Variants in NTM observed in about 807,000 individuals in gnomAD.
NTM encodes the protein IgLON family member 2.
NTM carries 13 observed loss-of-function variants against 42.1 expected under a neutral mutation model. The ratio of observed to expected loss-of-function variants is 0.31; its 90% CI spans 0.20 to 0.49. The LOEUF (loss-of-function observed/expected upper bound fraction) is 0.49. NTM is among the 20% of genes least tolerant of loss of function. NTM has a pLI of 0.99. For synonymous variants in NTM, 187 were observed against 179.2 expected (o/e 1.04, Z -0.35); for missense variants, 373 against 452.8 (o/e 0.82, Z 1.60).
rs191912909 is a variant in NTM at position 131,573,091 on chromosome 11, C to T, written c.82+202203C>T. ...CTCTTGACAAGGCCCTGGAGAATCC[C>T]TAAACAAGAAGCAGTAGCAGCCGAA... On this transcript the variant is annotated intron_variant, in intron 1 of 8. Coordinates refer to ENST00000683400, the MANE Select transcript of NTM (RefSeq NM_001352005.2). Among the ~76,000 whole-genome samples the T allele has an allele frequency of 2.5e-3, 378 of 152,252 alleles. 6 individuals are homozygous for T. The highest frequency in any genetic ancestry group is 1.1e-3 in the Non-Finnish European group (77 of 68,022).
At chr11:131,684,193 C>T (rs181893098) in intron 1 of NTM, among the ~76,000 whole-genome samples, 93 of 152,252 alleles carry the variant, frequency 6.1e-4, no homozygotes, top group Non-Finnish European at 3.2e-4. Context: ...GCACGGGCCC[C>T]GGGGAGAGCA....
rs1293149284 is a variant in NTM, at chr11:132,003,697, C to T, written c.167+92049C>T. Among the ~76,000 whole-genome samples, 2 of 151,458 alleles carry T rather than the reference C, an allele frequency of 1.3e-5. No individual in the cohort carries two copies. The highest frequency in any genetic ancestry group is 2.9e-5 in the Non-Finnish European group (2 of 67,848). ...GTCTGTCTGTAGCTCAATCACATGT[C>T]CCACATGGAGCCCACTCTTTCCCAT... On this transcript the variant is annotated intron_variant, in intron 2 of 8. Coordinates refer to ENST00000683400, the MANE Select transcript of NTM (RefSeq NM_001352005.2). The surrounding 1 kb of genome is among the most constrained non-coding windows in gnomAD (Gnocchi z 6.0).
intron 3 of NTM, among the ~76,000 whole-genome samples, chr11:132,191,742 A>T (rs2079358180): frequency 6.6e-6 from 1 of 152,210 alleles, no homozygotes; most frequent in Non-Finnish European, 1.5e-5. Flanking sequence ...AACAAGATAC[A>T]AAAGAATGTT....
At chr11:131,495,185 C>T (rs369391190) in intron 1 of NTM, among the ~76,000 whole-genome samples, 1 of 152,158 alleles carries the variant, frequency 6.6e-6, no homozygotes, top group Non-Finnish European at 1.5e-5. Context: ...GTCTTTGGGC[C>T]TACACATAGC....
intron 1 of NTM, among the ~76,000 whole-genome samples, chr11:131,769,832 C>G (rs1331783135): frequency 6.6e-6 from 1 of 152,188 alleles, no homozygotes; most frequent in Non-Finnish European, 1.5e-5. Context: ...TATTCCAAAC[C>G]AATGGAGAAA....
intron 1 of NTM, among the ~76,000 whole-genome samples, chr11:131,755,648 T>G (rs1299266332): frequency 6.6e-6 from 1 of 152,218 alleles, no homozygotes; most frequent in African/African-American, 2.4e-5. Context: ...GCATGGTGTA[T>G]TATCACCAGG....
chr11:131,394,179 G>C (rs551676558), intron 1 of NTM, among the ~76,000 whole-genome samples: 1 of 152,144 alleles, frequency 6.6e-6, no homozygotes, highest in Non-Finnish European at 1.5e-5. Flanking sequence ...ATACAACATC[G>C]TCCAGAAGTG....
chr11:131,911,652 G>A lies in NTM; in HGVS notation c.167+4G>A. 5.0e-6 allele frequency: 8 copies of A among 1,614,084 alleles called. No individual in the cohort carries two copies. The highest frequency in any genetic ancestry group is 1.1e-5 in the South Asian group (1 of 91,078). ...AGGGGGAGAGCGCCACCCTCAGGTA[G>A]GGAGCTGACATTGTTCTGCGAACTG... is the stretch of plus-strand genomic sequence containing the variant. On this transcript the variant is annotated splice_donor_region_variant and intron_variant, in intron 2 of 8. Transcript: ENST00000683400.
intron 2 of NTM, among the ~76,000 whole-genome samples, chr11:131,956,946 C>T (rs2061621421): frequency 6.6e-6 from 1 of 150,766 alleles, no homozygotes; most frequent in Non-Finnish European, 1.5e-5. Context: ...GATGAGCAAA[C>T]AAGCTGTATT....
At chr11:131,557,049 T>C (rs1032312059) in intron 1 of NTM, among the ~76,000 whole-genome samples, 2 of 152,064 alleles carry the variant, frequency 1.3e-5, no homozygotes, top group Non-Finnish European at 2.9e-5. Context: ...TTCAGGTGAT[T>C]TGTAACTTTT....
intron 1 of NTM, among the ~76,000 whole-genome samples, chr11:131,676,520 C>T (rs1191187991): frequency 1.3e-5 from 2 of 152,046 alleles, no homozygotes; most frequent in Non-Finnish European, 2.9e-5. Context: ...TGACTGTGAA[C>T]CTGCATATGC....
Position 131,401,810 on chromosome 11 carries a change from A to ATATATATATATATATATATATGTG in NTM, c.82+30943_82+30944insGTGTATATATATATATATATATAT, listed in dbSNP as rs1945181995. On this transcript the variant is annotated intron_variant, in intron 1 of 8. Coordinates refer to ENST00000683400, the MANE Select transcript of NTM (RefSeq NM_001352005.2). ...GTCAGGCCACTGGAAATATATATAT[A>ATATATATATATATATATATATGTG]TATATATATATATATATATATATAT... Among the ~76,000 whole-genome samples the ATATATATATATATATATATATGTG allele has an allele frequency of 4.3e-4, 6 of 13,954 alleles. 1 individual carries two copies. Among genetic ancestry groups the ATATATATATATATATATATATGTG allele is most frequent in the African/African-American group, 7.7e-4 (2 of 2,592 alleles). The allele number at this position is 13,954 out of a possible 152,430, so 9.2% of individuals were successfully genotyped here.
chr11:132,268,019 A>G (rs539024250), intron 4 of NTM, among the ~76,000 whole-genome samples: 1 of 152,278 alleles, frequency 6.6e-6, no homozygotes, highest in Non-Finnish European at 1.5e-5. Flanking sequence ...CCTGTTAGGG[A>G]CAGGCTCTTA....
chr11:132,122,986 G>T (rs550668059), intron 2 of NTM, among the ~76,000 whole-genome samples: 1 of 152,064 alleles, frequency 6.6e-6, no homozygotes, highest in Non-Finnish European at 1.5e-5. Flanking sequence ...CTCCTTCCTC[G>T]CCACGTTGAA....
chr11:132,069,014 T>C (rs2056946455), intron 2 of NTM, among the ~76,000 whole-genome samples: 2 of 152,282 alleles, frequency 1.3e-5, no homozygotes, highest in Admixed American at 1.3e-4. Flanking sequence ...ATTGACTAAC[T>C]GGGCATTGCA....
At chr11:131,664,338 A>G (rs777893512) in intron 1 of NTM, among the ~76,000 whole-genome samples, 5 of 152,232 alleles carry the variant, frequency 3.3e-5, no homozygotes, top group Non-Finnish European at 7.3e-5. Context: ...AATAATTATC[A>G]TTACTTGAAA....
Position 131,707,502 on chromosome 11 carries a change from T to C in NTM, c.83-204062T>C, listed in dbSNP as rs556843036. Reference sequence around the variant, plus strand: ...ATATACCAATGTCAATTCCTGTGGATATATTCCCAGAAGTGGAATTGGTGG... The same window carrying C: ...ATATACCAATGTCAATTCCTGTGGACATATTCCCAGAAGTGGAATTGGTGG... On this transcript the variant is annotated intron_variant, in intron 1 of 8. Coordinates refer to ENST00000683400, the MANE Select transcript of NTM (RefSeq NM_001352005.2). Among the ~76,000 whole-genome samples, 12 of 152,240 alleles carry C rather than the reference T, an allele frequency of 7.9e-5. No homozygotes were observed. In the East Asian group the frequency reaches 1.5e-3, roughly 20 times the overall value.
chr11:132,044,541 C>T (rs1487080381), intron 2 of NTM, among the ~76,000 whole-genome samples: 1 of 152,030 alleles, frequency 6.6e-6, no homozygotes, highest in Non-Finnish European at 1.5e-5. Context: ...CTCATGAGTC[C>T]ATATATTTTC....
intron 2 of NTM, among the ~76,000 whole-genome samples, chr11:131,914,890 C>T (rs2056021436): frequency 2.0e-5 from 3 of 152,176 alleles, no homozygotes; most frequent in Non-Finnish European, 1.5e-5. Context: ...ATGACATTAA[C>T]ACTTTAATAA....
Sources: gnomAD v4.1 joint callset for allele counts (sites outside exome capture counted in the v4.1 genomes callset) on GRCh38, gnomAD v4.1.1 for gene constraint, Gnocchi (gnomAD v3.1) non-coding constraint, MANE v1.5 for transcripts, NCBI Gene and HGNC (gene_info 2026-07-23, HGNC 2026-07-21) for gene names.